Variants in DGKB observed in about 807,000 individuals in gnomAD.
DGKB encodes the protein 90 kDa diacylglycerol kinase.
A neutral mutation model predicts 114.3 loss-of-function variants in DGKB; 67 were observed. The ratio of observed to expected loss-of-function variants is 0.59; its 90% confidence interval spans 0.48 to 0.72. The LOEUF (loss-of-function observed/expected upper bound fraction) is 0.72, where lower values mean the gene tolerates loss of function less well. Among genes scored for constraint, DGKB ranks in the 30% least tolerant of loss-of-function variants. The pLI, the probability that DGKB is intolerant of heterozygous loss-of-function variation, is 0.00. For synonymous variants in DGKB, 398 were observed against 323.1 expected (o/e 1.23, Z -2.49); for missense variants, 907 against 975.2 (o/e 0.93, Z 0.93).
At chr7:14,700,766 T>A (rs1167125617) in intron 7 of DGKB, among the ~76,000 whole-genome samples, 2 of 152,194 alleles carry the variant, frequency 1.3e-5, no homozygotes, top group South Asian at 4.1e-4. Flanking sequence ...TTTTCAGAGA[T>A]CATGTCTATT....
At chr7:14,806,331 A>G (rs1305673526) in intron 2 of DGKB, among the ~76,000 whole-genome samples, 1 of 152,102 alleles carries the variant, frequency 6.6e-6, no homozygotes, top group African/African-American at 2.4e-5. Flanking sequence ...TGTACTATAT[A>G]TACATTATAT....
chr7:14,752,730 T>C lies in DGKB; in HGVS notation c.168+1198A>G, dbSNP rs540865423. On this transcript the variant is annotated intron_variant, in intron 4 of 25. Transcript: ENST00000402815. The stretch of plus-strand genomic sequence containing the variant: ...CAAAAAGCTAGAGCTTATTTTGACA[T>C]GAATTTTCAGACAGCCTCTAGTAAG... Among the ~76,000 whole-genome samples, 4 of 152,296 alleles carry C rather than the reference T, an allele frequency of 2.6e-5. No homozygotes were observed. In the East Asian group the frequency reaches 5.8e-4, roughly 22 times the overall value.
At chr7:14,938,805 A>T (rs746311579) in intron 1 of DGKB, among the ~76,000 whole-genome samples, 1 of 152,176 alleles carries the variant, frequency 6.6e-6, no homozygotes, top group Non-Finnish European at 1.5e-5. Context: ...CCTTTCAAAA[A>T]ATTATTCTTC....
chr7:14,748,823 A>T (rs1013128014), intron 4 of DGKB, among the ~76,000 whole-genome samples: 2 of 152,194 alleles, frequency 1.3e-5, no homozygotes, highest in Non-Finnish European at 2.9e-5. Flanking sequence ...ACTAATTAAT[A>T]AGTGACTCCT....
intron 23 of DGKB, among the ~76,000 whole-genome samples, chr7:14,273,300 C>T (rs1009096947): frequency 2.0e-5 from 3 of 152,018 alleles, no homozygotes; most frequent in Non-Finnish European, 4.4e-5. Context: ...GAGCCATGAT[C>T]GTACCACTGC....
intron 1 of DGKB, among the ~76,000 whole-genome samples, chr7:14,950,644 C>T (rs1196643242): frequency 1.3e-5 from 2 of 151,902 alleles, no homozygotes; most frequent in Non-Finnish European, 2.9e-5. Context: ...AAAGTCCAGG[C>T]ATGCATTTCT....
chr7:14,867,336 G>C (rs543738066), intron 1 of DGKB, among the ~76,000 whole-genome samples: 2 of 151,864 alleles, frequency 1.3e-5, no homozygotes, highest in East Asian at 3.9e-4. Context: ...TATCTTCTAA[G>C]ATTTTGCTAC....
chr7:14,591,910 G>T (rs556450133), intron 17 of DGKB, among the ~76,000 whole-genome samples: 3 of 151,920 alleles, frequency 2.0e-5, no homozygotes, highest in African/African-American at 7.2e-5. Flanking sequence ...TTTTTTAAAA[G>T]AAAAGAAAAT....
chr7:14,919,095 A>AAACACACACACACACACACAC (rs1784392701), intron 1 of DGKB, among the ~76,000 whole-genome samples: 95 of 114,948 alleles, frequency 8.3e-4, no homozygotes, highest in African/African-American at 3.2e-3. Flanking sequence ...CACACACACA[A>AAACACACACACACACACACAC]ACACACACAC....
At chr7:14,308,446 TA>T (rs1228359129) in intron 23 of DGKB, among the ~76,000 whole-genome samples, 5 of 152,166 alleles carry the variant, frequency 3.3e-5, no homozygotes, top group African/African-American at 1.2e-4. Flanking sequence ...TTAAATGGTA[TA>T]AAAACATGTT....
At chr7:14,929,121 T>G (rs141473061) in intron 1 of DGKB, among the ~76,000 whole-genome samples, 14 of 152,142 alleles carry the variant, frequency 9.2e-5, no homozygotes, top group African/African-American at 3.4e-4. Context: ...CATTTCTTTA[T>G]ACAGTCATCC....
intron 23 of DGKB, among the ~76,000 whole-genome samples, chr7:14,188,991 A>G (rs768256083): frequency 6.6e-6 from 1 of 152,190 alleles, no homozygotes; most frequent in African/African-American, 2.4e-5. Flanking sequence ...AGAAAAAGCT[A>G]AGGGAATTCA....
At chr7:14,889,760 A>G (rs1562823004) in intron 1 of DGKB, among the ~76,000 whole-genome samples, 1 of 151,626 alleles carries the variant, frequency 6.6e-6, no homozygotes, top group South Asian at 2.1e-4. Flanking sequence ...ATTCCACTCC[A>G]AACTGACAAA....
intron 2 of DGKB, among the ~76,000 whole-genome samples, chr7:14,769,348 A>C (rs1323993065): frequency 6.6e-6 from 1 of 152,072 alleles, no homozygotes; most frequent in Non-Finnish European, 1.5e-5. Context: ...AGTCCATGCA[A>C]CATTGCACTA....
intron 25 of DGKB, among the ~76,000 whole-genome samples, chr7:14,164,831 A>G (rs1306745255): frequency 2.6e-5 from 4 of 152,170 alleles, no homozygotes; most frequent in Non-Finnish European, 5.9e-5. Flanking sequence ...TGTATTATTA[A>G]ATATAACAAT....
chr7:14,786,817 G>A (rs888228977), intron 2 of DGKB, among the ~76,000 whole-genome samples: 2 of 152,236 alleles, frequency 1.3e-5, no homozygotes, highest in African/African-American at 4.8e-5. Flanking sequence ...GGGCCACTGA[G>A]GATGGCTCGG....
intron 23 of DGKB, among the ~76,000 whole-genome samples, chr7:14,312,383 C>A (rs1361274043): frequency 6.6e-6 from 1 of 152,178 alleles, no homozygotes; most frequent in Non-Finnish European, 1.5e-5. Context: ...TGAAGCAAAA[C>A]AATGTTGTAT....
intron 23 of DGKB, among the ~76,000 whole-genome samples, chr7:14,314,141 T>A (rs1381052418): frequency 6.6e-6 from 1 of 152,038 alleles, no homozygotes; most frequent in East Asian, 1.9e-4. Context: ...TACATCACCA[T>A]CATCAAAGAC....
Position 14,253,642 on chromosome 7 carries a change from C to T in DGKB, c.2123-75491G>A, listed in dbSNP as rs148255545. ...AGGGGGATTAGATTTTTGAATACTG[C>T]GATGTAAATGAAATTTTAAAATACA... On this transcript the variant is annotated intron_variant, in intron 23 of 25. Transcript: ENST00000402815. Among the ~76,000 whole-genome samples the T allele has an allele frequency of 2.7e-3, 411 of 152,118 alleles. 3 individuals are homozygous for T. Among genetic ancestry groups the T allele is most frequent in the African/African-American group, 9.6e-3 (400 of 41,492 alleles).
Sources: allele counts gnomAD v4.1 joint callset (sites outside exome capture counted in the v4.1 genomes callset), GRCh38; gene constraint gnomAD v4.1.1; transcripts MANE v1.5; gene names NCBI Gene and HGNC (gene_info 2026-07-23, HGNC 2026-07-21).